SOBP: variants seen among roughly 807,000 people sequenced by gnomAD.
SOBP encodes sine oculis-binding protein homolog.
A neutral mutation model predicts 53.6 loss-of-function variants in SOBP; 4 were observed. The observed-to-expected ratio is 0.07, with a 90% CI of 0.04 to 0.17. SOBP has a LOEUF of 0.17. SOBP is among the 10% of genes least tolerant of loss of function. SOBP has a pLI of 1.00. For missense variants in SOBP, 1,088 were observed against 1,204.7 expected (o/e 0.90, Z 1.43); for synonymous variants, 584 against 522.6 (o/e 1.12, Z -1.60).
chr6:107,496,377 G>A (rs940077505), intron 1 of SOBP, among the ~76,000 whole-genome samples: 1 of 152,134 alleles, frequency 6.6e-6, no homozygotes, highest in Middle Eastern at 3.2e-3. Flanking sequence ...TTAAAATGTG[G>A]GGACATGATT....
chr6:107,492,351 G>A (rs962094990), intron 1 of SOBP, among the ~76,000 whole-genome samples: 1 of 152,114 alleles, frequency 6.6e-6, no homozygotes, highest in Non-Finnish European at 1.5e-5. Context: ...AAGCCACTAG[G>A]AAATCACAAG....
chr6:107,555,584 C>T (rs1046812148), intron 4 of SOBP, among the ~76,000 whole-genome samples: 7 of 152,212 alleles, frequency 4.6e-5, no homozygotes, highest in Non-Finnish European at 8.8e-5. Flanking sequence ...ACCTTCCAAG[C>T]GCAGCTGCAC....
In SOBP at chr6:107,493,671, A is replaced by G. The variant is rs370469858; in HGVS notation, c.96+2959A>G. Among the ~76,000 whole-genome samples the G allele has an allele frequency of 1.7e-3, 261 of 152,332 alleles. 1 individual carries two copies. The highest frequency in any genetic ancestry group is 7.3e-3 in the South Asian group (35 of 4,826). ...AGAAAGGACATTGGTACAAGTGTCT[A>G]TTTTAAGTACAGCAAATGCAGGGCA... On this transcript the variant is annotated intron_variant, in intron 1 of 6. Transcript: ENST00000317357.
chr6:107,576,664 GGAATCAGTGGCAAGA>G (rs1288032205), intron 4 of SOBP, among the ~76,000 whole-genome samples: 27 of 152,182 alleles, frequency 1.8e-4, no homozygotes, highest in African/African-American at 6.3e-4. Flanking sequence ...AAAGCTGCAG[GGAATCAGTGGCAAGA>G]GTGCAGGGTG....
chr6:107,598,406 C>T (rs917574187), intron 5 of SOBP, among the ~76,000 whole-genome samples: 1 of 152,048 alleles, frequency 6.6e-6, no homozygotes, highest in African/African-American at 2.4e-5. Flanking sequence ...GGGTGCGTAG[C>T]GATGGAAGGG....
chr6:107,519,137 A>G (rs1263955894), intron 3 of SOBP, among the ~76,000 whole-genome samples: 2 of 148,656 alleles, frequency 1.3e-5, no homozygotes, highest in Admixed American at 6.8e-5. Flanking sequence ...GTGAGTGACA[A>G]AAGTAGAATA....
chr6:107,602,584 AAAAGG>A (rs1437189111), intron 5 of SOBP, among the ~76,000 whole-genome samples: 1 of 151,706 alleles, frequency 6.6e-6, no homozygotes, highest in Non-Finnish European at 1.5e-5. Context: ...AAAAAAAAAA[AAAAGG>A]AAAGGGAAAG....
intron 1 of SOBP, among the ~76,000 whole-genome samples, chr6:107,495,258 C>T (rs1782670217): frequency 6.6e-6 from 1 of 152,176 alleles, no homozygotes; most frequent in African/African-American, 2.4e-5. Flanking sequence ...ATAAGATGTT[C>T]CTGAGCCTTC....
chr6:107,542,819 G>C (rs1228210465), intron 4 of SOBP, among the ~76,000 whole-genome samples: 1 of 151,850 alleles, frequency 6.6e-6, no homozygotes, highest in African/African-American at 2.4e-5. Context: ...GGATGCTGTT[G>C]GGTAAGTGTT....
chr6:107,653,151 T>C (rs1320573487), intron 6 of SOBP, among the ~76,000 whole-genome samples: 2 of 152,196 alleles, frequency 1.3e-5, no homozygotes, highest in Non-Finnish European at 2.9e-5. Flanking sequence ...GCAAAAGCCA[T>C]TTAAAAACTC....
chr6:107,569,673 A>G (rs548745028), intron 4 of SOBP, among the ~76,000 whole-genome samples: 3 of 152,338 alleles, frequency 2.0e-5, no homozygotes, highest in South Asian at 4.1e-4. Flanking sequence ...CGGAGATAAA[A>G]CAGAATGTGT....
chr6:107,643,277 A>G (rs1171317159), intron 6 of SOBP, among the ~76,000 whole-genome samples: 1 of 152,234 alleles, frequency 6.6e-6, no homozygotes, highest in Non-Finnish European at 1.5e-5. Context: ...GCATCCCATC[A>G]ACAAGCTCTT....
intron 3 of SOBP, among the ~76,000 whole-genome samples, chr6:107,517,138 T>C (rs1021383346): frequency 1.3e-5 from 2 of 152,192 alleles, no homozygotes; most frequent in African/African-American, 2.4e-5. Flanking sequence ...AGAATAATTA[T>C]GATAGTAGGC....
intron 6 of SOBP, among the ~76,000 whole-genome samples, chr6:107,656,327 GAAAGAAAGAAAGAAAGAGAA>G (rs1471816654): frequency 4.7e-4 from 3 of 6,346 alleles, no homozygotes; most frequent in African/African-American, 1.0e-3. Flanking sequence ...AAGAAAGAAA[GAAAGAAAGAAAGAAAGAGAA>G]AGAAAGAAAG....
At chr6:107,512,812 G>A in intron 3 of SOBP, among the ~76,000 whole-genome samples, 1 of 152,148 alleles carries the variant, frequency 6.6e-6, no homozygotes, top group East Asian at 1.9e-4. Flanking sequence ...ACTTTTTCTA[G>A]TGAGAGCTTT....
chr6:107,586,001 C>G (rs1231132036), intron 4 of SOBP, among the ~76,000 whole-genome samples: 1 of 152,198 alleles, frequency 6.6e-6, no homozygotes, highest in Non-Finnish European at 1.5e-5. Flanking sequence ...CAGCTGTTCC[C>G]TTGGTGCCAG....
chr6:107,577,819 A>G (rs1156316836), intron 4 of SOBP, among the ~76,000 whole-genome samples: 2 of 152,194 alleles, frequency 1.3e-5, no homozygotes, highest in African/African-American at 2.4e-5. Flanking sequence ...CATGCCTGTA[A>G]TCCCAGCACT....
intron 5 of SOBP, among the ~76,000 whole-genome samples, chr6:107,605,914 C>T (rs901214324): frequency 3.3e-5 from 5 of 152,046 alleles, no homozygotes; most frequent in African/African-American, 4.8e-5. Flanking sequence ...AAGTTGGAGA[C>T]GCTATAGGCT....
chr6:107,511,016 T>A (rs1337432278), intron 3 of SOBP, among the ~76,000 whole-genome samples: 1 of 152,070 alleles, frequency 6.6e-6, no homozygotes, highest in Non-Finnish European at 1.5e-5. Flanking sequence ...TTTATGAAAT[T>A]TATTCACATT....
Sources: allele counts gnomAD v4.1 joint callset (sites outside exome capture counted in the v4.1 genomes callset), GRCh38; gene constraint gnomAD v4.1.1; transcripts MANE v1.5; gene names NCBI Gene and HGNC (gene_info 2026-07-23, HGNC 2026-07-21).